Variants in MAMDC2 observed in about 807,000 individuals in gnomAD.
MAMDC2 encodes MAM domain containing 2.
A neutral mutation model predicts 89.8 loss-of-function variants in MAMDC2; 57 were observed. The ratio of observed to expected loss-of-function variants is 0.63; its 90% CI spans 0.51 to 0.79. The LOEUF (loss-of-function observed/expected upper bound fraction) is 0.79, where lower values mean the gene tolerates loss of function less well. MAMDC2 is among the 30% of genes least tolerant of loss of function. The pLI is 0.00. For synonymous variants in MAMDC2, 313 were observed against 293.4 expected (o/e 1.07, Z -0.68); for missense variants, 800 against 820.6 (o/e 0.97, Z 0.31).
intron 5 of MAMDC2, among the ~76,000 whole-genome samples, chr9:70,119,691 A>C (rs1216211359): frequency 6.6e-6 from 1 of 152,192 alleles, no homozygotes; most frequent in African/African-American, 2.4e-5. Flanking sequence ...GGGCCACACA[A>C]CAGCAGTAGA....
At chr9:70,157,194 C>T (rs943894496) in intron 9 of MAMDC2, among the ~76,000 whole-genome samples, 1 of 152,162 alleles carries the variant, frequency 6.6e-6, no homozygotes, top group Non-Finnish European at 1.5e-5. Flanking sequence ...ATTTCACAGC[C>T]GTACAGTCAT....
chr9:70,171,714 C>T (rs1362427043), intron 11 of MAMDC2, among the ~76,000 whole-genome samples: 1 of 152,078 alleles, frequency 6.6e-6, no homozygotes, highest in Non-Finnish European at 1.5e-5. Flanking sequence ...TTGCATTGTG[C>T]TGTTTCTTAT....
rs116169644 is a variant in MAMDC2 at position 70,175,250 on chromosome 9, G to C, written c.1651+4619G>C. ...TAAATTTGACTATGATAGTGGATTTGACTATGATGGCACATTTGACCAGCA... is the reference window on the plus strand; with the variant it reads ...TAAATTTGACTATGATAGTGGATTTCACTATGATGGCACATTTGACCAGCA... On this transcript the variant is annotated intron_variant, in intron 11 of 13. Coordinates refer to ENST00000377182, the MANE Select transcript of MAMDC2 (RefSeq NM_153267.5). 4.7e-3 allele frequency among the ~76,000 whole-genome samples: 718 copies of C among 152,294 alleles called. 7 individuals carry two copies. The highest frequency in any genetic ancestry group is 0.016 in the African/African-American group (670 of 41,568).
chr9:70,169,272 T>C (rs967152665), intron 10 of MAMDC2, among the ~76,000 whole-genome samples: 2 of 152,154 alleles, frequency 1.3e-5, no homozygotes, highest in Non-Finnish European at 2.9e-5. Context: ...GACCAAGCAA[T>C]GATGATAGTA....
chr9:70,113,321 C>T (rs911943294), intron 5 of MAMDC2, among the ~76,000 whole-genome samples, 189 bp downstream of exon 5: 10 of 152,192 alleles, frequency 6.6e-5, no homozygotes, highest in Non-Finnish European at 1.2e-4. Flanking sequence ...GAGGTAGAGA[C>T]AAACTGCAGC....
Position 70,170,587 on chromosome 9 carries a change from C to T in MAMDC2, c.1607C>T (p.Pro536Leu), listed in dbSNP as rs2032310764. ...SSWHRRRGETPTSYTGPKGDH... is the reference protein window; with the variant it reads ...SSWHRRRGETLTSYTGPKGDH... ...TGGCACAGGAGGAGGGGAGAAACTC[C>T]CACTTCCTACACAGGACCAAAGGGA... The change falls in exon 11 of 14, where the codon CCC (proline) becomes CTC (leucine). Residue 536 changes from proline to leucine, a missense_variant. By Grantham distance (98) the Pro-to-Leu change is moderately conservative. Transcript: ENST00000377182. The T allele has an allele frequency of 3.7e-6, 6 of 1,612,236 alleles. No individual in the cohort carries two copies. Among genetic ancestry groups the T allele is most frequent in the Non-Finnish European group, 5.1e-6 (6 of 1,179,512 alleles).
chr9:70,109,812 G>A lies in MAMDC2; in HGVS notation c.505+8G>A, dbSNP rs747872189. The A allele has an allele frequency of 2.5e-6, 4 of 1,605,662 alleles. No individual in the cohort carries two copies. Among genetic ancestry groups the A allele is most frequent in the South Asian group, 2.2e-5 (2 of 90,472 alleles). ...CAACCGGCTACTGTATTGGTAAGTG[G>A]GCTTCATTTTCATTAAATCAAATTG... is the stretch of plus-strand genomic sequence containing the variant. On this transcript the variant is annotated splice_region_variant and intron_variant, in intron 4 of 13. Coordinates refer to ENST00000377182, the MANE Select transcript of MAMDC2 (RefSeq NM_153267.5).
intron 11 of MAMDC2, among the ~76,000 whole-genome samples, chr9:70,207,037 C>T (rs937193495): frequency 3.3e-5 from 5 of 152,182 alleles, no homozygotes; most frequent in Non-Finnish European, 4.4e-5. Context: ...CATTGATGGA[C>T]ATTTGGGTTG....
rs1259446584 is a variant in MAMDC2, at chr9:70,143,682, A to G, written c.1267A>G (p.Lys423Glu). Reference sequence around the variant, plus strand: ...TCATTATGCCATCTATGGATTTTTAAAAATGAGTGACACCCTAGCAGTTTA... The same window carrying G: ...TCATTATGCCATCTATGGATTTTTAGAAATGAGTGACACCCTAGCAGTTTA... ...RFHYAIYGFL[K>E]MSDTLAVYIF... Residue 423 changes from lysine to glutamate, a missense_variant, in exon 9 of 14, where the codon AAA becomes GAA. Lys to Glu is a moderately conservative substitution (Grantham distance 56). Transcript: ENST00000377182. The G allele has an allele frequency of 6.2e-7, 1 of 1,614,224 alleles. No individual in the cohort carries two copies. The highest frequency in any genetic ancestry group is 1.7e-5 in the Admixed American group (1 of 60,026).
At chr9:70,093,619 A>G (rs1827959433) in intron 2 of MAMDC2, among the ~76,000 whole-genome samples, 1 of 151,660 alleles carries the variant, frequency 6.6e-6, no homozygotes, top group Non-Finnish European at 1.5e-5. Context: ...TTTAGTAGAA[A>G]TGGGGTTTCA....
chr9:70,143,515 A>G (rs1228890970), intron 8 of MAMDC2, 39 bp from the exon 9 acceptor site: 1 of 1,604,712 alleles, frequency 6.2e-7, no homozygotes, highest in Admixed American at 1.7e-5. Flanking sequence ...TCTAGATTAG[A>G]TTATTTTGCA....
chr9:70,179,993 C>G (rs1294178137), intron 11 of MAMDC2, among the ~76,000 whole-genome samples: 1 of 151,000 alleles, frequency 6.6e-6, no homozygotes, highest in African/African-American at 2.4e-5. Flanking sequence ...GGTTTTAAGC[C>G]CTGCATGCAT....
intron 1 of MAMDC2, 53 bp downstream of exon 1, chr9:70,044,284 G>A (rs377208654): frequency 4.6e-5 from 73 of 1,582,608 alleles, no homozygotes; most frequent in Non-Finnish European, 6.0e-5. Flanking sequence ...ACTCGCCCCC[G>A]CTCCTGCTGC....
chr9:70,129,246 T>G (rs73451423), intron 6 of MAMDC2, among the ~76,000 whole-genome samples: 2,359 of 152,230 alleles, frequency 0.015, 52 homozygotes, highest in African/African-American at 0.053. Flanking sequence ...AGTGAATAAG[T>G]CTCATAAGAT....
chr9:70,093,181 T>G (rs1164227170), intron 2 of MAMDC2, among the ~76,000 whole-genome samples: 1 of 152,200 alleles, frequency 6.6e-6, no homozygotes, highest in Non-Finnish European at 1.5e-5. Flanking sequence ...GGTATATAAC[T>G]CTTTTGTTTG....
At position 70,140,245 on chromosome 9, in the gene MAMDC2, A is replaced by G. The variant is rs761964221; in HGVS notation, c.1095A>G (p.Val365=). 4.4e-6 allele frequency: 7 copies of G among 1,602,326 alleles called. No individual in the cohort carries two copies. The African/African-American group carries it at 5.4e-5, about 12-fold the overall frequency. Residue 365 remains valine, a synonymous_variant, in exon 8 of 14, where the codon GTA becomes GTG. Coordinates refer to ENST00000377182, the MANE Select transcript of MAMDC2 (RefSeq NM_153267.5). Reference sequence around the variant, plus strand: ...GTCCAGGTTGGACCCGAGTGAAAGTAAAACCAAACATGTATCGGGCTGGAG... The same window carrying G: ...GTCCAGGTTGGACCCGAGTGAAAGTGAAACCAAACATGTATCGGGCTGGAG... ...KEGPGWTRVK[V]KPNMYRAGDH... is the part of the protein sequence containing the mutation.
intron 2 of MAMDC2, chr9:70,088,464 C>G (rs1827820299): frequency 6.6e-6 from 1 of 151,850 alleles, no homozygotes; most frequent in Non-Finnish European, 1.5e-5. Flanking sequence ...GATCAAGTTT[C>G]TCCTCCTCTC....
At chr9:70,187,261 T>C (rs1587553755) in intron 11 of MAMDC2, among the ~76,000 whole-genome samples, 1 of 152,224 alleles carries the variant, frequency 6.6e-6, no homozygotes, top group African/African-American at 2.4e-5. Context: ...TCCTTCATGC[T>C]CTCTTACAAA....
At chr9:70,111,418 CTTCT>C (rs1444303703) in intron 4 of MAMDC2, among the ~76,000 whole-genome samples, 1 of 152,214 alleles carries the variant, frequency 6.6e-6, no homozygotes, top group African/African-American at 2.4e-5. Flanking sequence ...CACACTCTGA[CTTCT>C]TTCTTTCTGG....
Sources: allele counts gnomAD v4.1 joint callset (sites outside exome capture counted in the v4.1 genomes callset), GRCh38; gene constraint gnomAD v4.1.1; transcripts MANE v1.5; gene names NCBI Gene and HGNC (gene_info 2026-07-23, HGNC 2026-07-21).